The following TNRC6C variants were observed in gnomAD, a reference collection of about 807,000 sequenced individuals.
TNRC6C encodes trinucleotide repeat containing adaptor 6C.
A neutral mutation model predicts 153.7 loss-of-function variants in TNRC6C; 20 were observed. The ratio of observed to expected loss-of-function variants is 0.13; its 90% CI spans 0.09 to 0.19. The LOEUF is 0.19. TNRC6C is among the 10% of genes least tolerant of loss of function. The pLI is 1.00. For synonymous variants in TNRC6C, 811 were observed against 841.4 expected, an observed-to-expected ratio of 0.96 and a Z score of 0.63; for missense variants, 1,987 against 2,172.0, an observed-to-expected ratio of 0.91 and a Z score of 1.69.
chr17:77,981,054 C>A (rs1297702121), intron 1 of TNRC6C, among the ~76,000 whole-genome samples: 1 of 152,166 alleles, frequency 6.6e-6, no homozygotes, highest in Non-Finnish European at 1.5e-5. Context: ...CGGCTCACTG[C>A]AGCCTCAACC....
At chr17:78,089,051 T>G (rs568957782) in intron 13 of TNRC6C, among the ~76,000 whole-genome samples, 11 of 136,450 alleles carry the variant, frequency 8.1e-5, no homozygotes, top group African/African-American at 3.0e-4. Context: ...CACTGCAACC[T>G]CCACCTTCTG....
At chr17:78,073,242 T>G (rs367737476) in intron 7 of TNRC6C, 148 bp downstream of exon 9, 4 of 576,332 alleles carry the variant, frequency 6.9e-6, no homozygotes, top group East Asian at 3.2e-5. Context: ...CACAACAAGC[T>G]GGAACCACAG....
At chr17:77,991,514 G>A (rs936895767) in intron 1 of TNRC6C, among the ~76,000 whole-genome samples, 4 of 152,206 alleles carry the variant, frequency 2.6e-5, no homozygotes, top group African/African-American at 4.8e-5. Context: ...GAAATAATAC[G>A]TAAACTTCCA....
exon 20 of TNRC6C, chr17:78,106,522 T>TAAAAAAA (rs113939739): frequency 1.1e-5 from 1 of 92,608 alleles, no homozygotes; most frequent in Non-Finnish European, 2.4e-5. Flanking sequence ...AGATGTTATT[T>TAAAAAAA]AAAAAAAAAA....
exon 13 of TNRC6C, chr17:78,086,906 G>A: frequency 6.2e-7 from 1 of 1,612,558 alleles, no homozygotes; most frequent in Non-Finnish European, 8.5e-7. Flanking sequence ...ACCAGCGCCA[G>A]CTGGCCCAGG....
chr17:78,052,323 G>T (rs2072553880), intron 3 of TNRC6C, among the ~76,000 whole-genome samples: 2 of 152,142 alleles, frequency 1.3e-5, no homozygotes, highest in Admixed American at 1.3e-4. Context: ...GCCCCTGGAG[G>T]GTTGCTGGGC....
chr17:78,066,773 G>C (rs1344526018), intron 4 of TNRC6C: 1 of 152,204 alleles, frequency 6.6e-6, no homozygotes, highest in Non-Finnish European at 1.5e-5. Context: ...CTGCTAGTCT[G>C]TAAGCATCTC....
chr17:77,996,532 A>C (rs1384041617), intron 1 of TNRC6C, among the ~76,000 whole-genome samples: 1 of 152,194 alleles, frequency 6.6e-6, no homozygotes, highest in African/African-American at 2.4e-5. Flanking sequence ...TGATTGGCCT[A>C]CTGTGAGTCT....
intron 11 of TNRC6C, among the ~76,000 whole-genome samples, chr17:78,086,191 G>C (rs556521796): frequency 6.6e-6 from 1 of 151,956 alleles, no homozygotes; most frequent in African/African-American, 2.4e-5. Context: ...TTAGCTGGGC[G>C]TGGTGGCACA....
intron 1 of TNRC6C, among the ~76,000 whole-genome samples, chr17:77,965,856 G>A (rs554961515): frequency 2.0e-5 from 3 of 152,300 alleles, no homozygotes; most frequent in African/African-American, 7.2e-5. Context: ...AAAGAAATAT[G>A]TTTACCTTTA....
chr17:77,993,111 G>A (rs1006164431), intron 1 of TNRC6C, among the ~76,000 whole-genome samples: 5 of 151,950 alleles, frequency 3.3e-5, no homozygotes, highest in Non-Finnish European at 5.9e-5. Flanking sequence ...GATTACACCC[G>A]CCATCATGCC....
At chr17:78,014,251 G>T (rs2071688881) in intron 1 of TNRC6C, among the ~76,000 whole-genome samples, 2 of 151,196 alleles carry the variant, frequency 1.3e-5, no homozygotes, top group Admixed American at 1.3e-4. Flanking sequence ...GGTCAAGAAG[G>T]AGTTAAGGGA....
At chr17:77,962,623 AGCGTGAAAGGG>A (rs2070870331) in intron 1 of TNRC6C, among the ~76,000 whole-genome samples, 1 of 152,226 alleles carries the variant, frequency 6.6e-6, no homozygotes, top group Non-Finnish European at 1.5e-5. Flanking sequence ...GAACAGACTG[AGCGTGAAAGGG>A]TCTATATAAG....
At chr17:77,980,355 G>A (rs187581321) in intron 1 of TNRC6C, among the ~76,000 whole-genome samples, 4 of 152,276 alleles carry the variant, frequency 2.6e-5, no homozygotes, top group East Asian at 3.9e-4. Flanking sequence ...AAAAACACAG[G>A]TTATTTTTCC....
chr17:77,994,229 T>C (rs1303965833), intron 1 of TNRC6C, among the ~76,000 whole-genome samples: 1 of 152,152 alleles, frequency 6.6e-6, no homozygotes, highest in Non-Finnish European at 1.5e-5. Context: ...GACATTCATG[T>C]CCTTTATCAG....
chr17:78,106,352 A>T (rs1392395307), exon 20 of TNRC6C: 1 of 152,040 alleles, frequency 6.6e-6, no homozygotes, highest in East Asian at 1.9e-4. Context: ...TCCCTCGGCC[A>T]TCGTCGTGGA....
intron 1 of TNRC6C, among the ~76,000 whole-genome samples, chr17:77,981,497 G>A (rs1200949526): frequency 6.6e-6 from 1 of 152,122 alleles, no homozygotes; most frequent in African/African-American, 2.4e-5. Flanking sequence ...AAGGATTTTA[G>A]GAATTATATG....
At chr17:78,062,806 G>A (rs941015889) in intron 3 of TNRC6C, among the ~76,000 whole-genome samples, 4 of 152,146 alleles carry the variant, frequency 2.6e-5, no homozygotes, top group Admixed American at 6.5e-5. Context: ...TTTGGGATTA[G>A]GGTTACCAAA....
intron 17 of TNRC6C, among the ~76,000 whole-genome samples, chr17:78,098,883 C>A (rs116606355): frequency 0.021 from 3,207 of 152,330 alleles, 111 homozygotes; most frequent in African/African-American, 0.072. Context: ...GCGCTTTAGG[C>A]TCTCTGCCCC....
Sources: gnomAD v4.1 joint callset for allele counts (sites outside exome capture counted in the v4.1 genomes callset) on GRCh38, gnomAD v4.1.1 for gene constraint, MANE v1.5 for transcripts, NCBI Gene and HGNC (gene_info 2026-07-23, HGNC 2026-07-21) for gene names.